The following RNF121 variants were observed in gnomAD, a reference collection of about 807,000 sequenced individuals.
The protein encoded by RNF121 is E3 ubiquitin ligase RNF121.
Under a neutral mutation model 46.5 loss-of-function variants are expected in RNF121, and 21 were observed. That is an observed-to-expected ratio of 0.45 (90% CI 0.32 to 0.65). The LOEUF (loss-of-function observed/expected upper bound fraction) is 0.65. Ranked by LOEUF, RNF121 falls within the 30% of genes least tolerant of loss-of-function variation. The pLI is 0.04. For synonymous variants in RNF121, 139 were observed against 144.7 expected (o/e 0.96, Z 0.28); for missense variants, 346 against 416.0 (o/e 0.83, Z 1.46).
chr11:71,951,121 C>T (rs963296944), intron 1 of RNF121, among the ~76,000 whole-genome samples: 7 of 151,222 alleles, frequency 4.6e-5, no homozygotes, highest in Admixed American at 1.3e-4. Context: ...CTACTCGGGA[C>T]GCTGAGGTGG....
intron 3 of RNF121, among the ~76,000 whole-genome samples, chr11:71,971,901 A>T (rs1282783592): frequency 6.6e-6 from 1 of 152,212 alleles, no homozygotes; most frequent in East Asian, 1.9e-4. Flanking sequence ...ACCCTGTGAC[A>T]CATCCTAAGG....
intron 1 of RNF121, among the ~76,000 whole-genome samples, chr11:71,949,016 T>A (rs1421206674): frequency 6.6e-6 from 1 of 152,210 alleles, no homozygotes; most frequent in Admixed American, 6.5e-5. Context: ...TCAAAGGTTA[T>A]CCTTATCATA....
At chr11:71,974,383 A>G (rs7126394) in intron 3 of RNF121, among the ~76,000 whole-genome samples, 140,194 of 152,290 alleles carry the variant, frequency 0.92, 64,834 homozygotes, top group Non-Finnish European at 0.98. Context: ...CTCTGTTATA[A>G]CACTTATAAT....
intron 1 of RNF121, among the ~76,000 whole-genome samples, chr11:71,931,694 G>T (rs1224060458): frequency 6.6e-6 from 1 of 152,174 alleles, no homozygotes; most frequent in Non-Finnish European, 1.5e-5. Flanking sequence ...ATGGAGGCAT[G>T]TAACAAATGC....
intron 1 of RNF121, among the ~76,000 whole-genome samples, chr11:71,940,506 T>C (rs1953542085): frequency 6.6e-6 from 1 of 152,138 alleles, no homozygotes; most frequent in Admixed American, 6.5e-5. Flanking sequence ...GAGGATGTAT[T>C]TGTGATTAGC....
intron 3 of RNF121, among the ~76,000 whole-genome samples, chr11:71,975,425 G>A (rs540012524): frequency 6.6e-6 from 1 of 152,266 alleles, no homozygotes; most frequent in Admixed American, 6.5e-5. Flanking sequence ...CCATCATGAT[G>A]CCTTTTTCTA....
chr11:71,984,124 A>G (rs1191420946), intron 4 of RNF121, among the ~76,000 whole-genome samples: 1 of 152,236 alleles, frequency 6.6e-6, no homozygotes, highest in Non-Finnish European at 1.5e-5. Context: ...AAAATGGGAC[A>G]ATAATTGCTA....
chr11:71,942,882 T>G (rs1953617520), intron 1 of RNF121, among the ~76,000 whole-genome samples: 1 of 152,036 alleles, frequency 6.6e-6, no homozygotes, highest in South Asian at 2.1e-4. Context: ...GGCAAAGTTC[T>G]AGCAGATATG....
intron 3 of RNF121, among the ~76,000 whole-genome samples, chr11:71,972,471 T>G (rs1954439966): frequency 6.6e-6 from 1 of 152,172 alleles, no homozygotes; most frequent in Non-Finnish European, 1.5e-5. Flanking sequence ...TAGTGCAGGT[T>G]GGTGGCGCAG....
intron 6 of RNF121, among the ~76,000 whole-genome samples, chr11:71,991,980 G>T (rs145582874): frequency 3.3e-5 from 5 of 151,730 alleles, no homozygotes; most frequent in East Asian, 3.9e-4. Flanking sequence ...CTAGCCGGGC[G>T]TGGTGGCACA....
intron 3 of RNF121, among the ~76,000 whole-genome samples, chr11:71,977,933 C>A (rs775570137): frequency 5.9e-5 from 9 of 152,198 alleles, no homozygotes; most frequent in Non-Finnish European, 1.0e-4. Flanking sequence ...AATGTTGCCA[C>A]GAGATGGCAC....
intron 2 of RNF121, among the ~76,000 whole-genome samples, chr11:71,959,766 G>T (rs1954084955): frequency 6.6e-6 from 1 of 151,826 alleles, no homozygotes; most frequent in Non-Finnish European, 1.5e-5. Flanking sequence ...CTCCTGAGTA[G>T]CTGGGATCAC....
intron 1 of RNF121, among the ~76,000 whole-genome samples, chr11:71,932,404 G>C (rs1014987570): frequency 2.0e-5 from 3 of 152,240 alleles, no homozygotes; most frequent in Non-Finnish European, 4.4e-5. Context: ...GCCTGCCTGT[G>C]CTATATGGAG....
intron 3 of RNF121, among the ~76,000 whole-genome samples, chr11:71,963,313 T>C (rs372969078): frequency 2.6e-5 from 4 of 152,178 alleles, no homozygotes; most frequent in African/African-American, 7.2e-5. Context: ...ATTACTCTTA[T>C]GTTTTCTTTG....
Position 71,990,732 on chromosome 11 carries a change from G to T in RNF121, c.627+15G>T. Reference sequence around the variant, plus strand: ...CTACCATAGGGGTAAGTTCATCCGGGTTCTTAAATACTGCTTCTTGACACC... The same window carrying T: ...CTACCATAGGGGTAAGTTCATCCGGTTTCTTAAATACTGCTTCTTGACACC... On this transcript the variant is annotated intron_variant, in intron 6 of 8. Coordinates refer to ENST00000361756, the MANE Select transcript of RNF121 (RefSeq NM_018320.5). The T allele has an allele frequency of 6.2e-7, 1 of 1,612,244 alleles. No homozygotes were observed. The highest frequency in any genetic ancestry group is 1.1e-5 in the South Asian group (1 of 90,580).
chr11:71,986,899 G>T, intron 4 of RNF121, 105 bp from the exon 5 acceptor site: 1 of 712,236 alleles, frequency 1.4e-6, no homozygotes, highest in South Asian at 1.6e-5. Context: ...CCTGAGCAAA[G>T]ACCCTGGTGT....
At position 71,996,833 on chromosome 11, in the gene RNF121, T is replaced by G. The variant is rs1954989070; in HGVS notation, c.*518T>G. The G allele has an allele frequency of 6.4e-6, 1 of 156,434 alleles. No homozygotes were observed. Among genetic ancestry groups the G allele is most frequent in the Non-Finnish European group, 1.4e-5 (1 of 70,376 alleles). 9.7% of individuals were successfully genotyped at this position (156,434 alleles called of 1,614,324 possible). A position where few individuals can be genotyped will look rare whatever the true frequency, so the allele number is the denominator to read the frequency against. Reference sequence around the variant, plus strand: ...CCCAGGTGTCCTCCCTCCCCCACTGTCTGGGACACAGGACAGGTGTTGCGT... The same window carrying G: ...CCCAGGTGTCCTCCCTCCCCCACTGGCTGGGACACAGGACAGGTGTTGCGT... On this transcript the variant is annotated 3_prime_UTR_variant, in exon 9 of 9. Coordinates refer to ENST00000361756, the MANE Select transcript of RNF121 (RefSeq NM_018320.5).
chr11:71,934,084 A>G (rs1355176632), intron 1 of RNF121, among the ~76,000 whole-genome samples: 1 of 151,720 alleles, frequency 6.6e-6, no homozygotes, highest in Non-Finnish European at 1.5e-5. Context: ...TTGAAATTCC[A>G]CCTGCCCTTT....
At chr11:71,994,649 CTG>C in intron 6 of RNF121, 68 bp from the exon 7 acceptor site, 1 of 1,597,698 alleles carries the variant, frequency 6.3e-7, no homozygotes, top group Middle Eastern at 1.7e-4. Flanking sequence ...CCTGAGGTCT[CTG>C]TGGAGCTTCC....
Sources: allele counts gnomAD v4.1 joint callset (sites outside exome capture counted in the v4.1 genomes callset), GRCh38; gene constraint gnomAD v4.1.1; transcripts MANE v1.5; gene names NCBI Gene and HGNC (gene_info 2026-07-23, HGNC 2026-07-21).